ENPP6: variants seen among roughly 807,000 people sequenced by gnomAD.
The protein encoded by ENPP6 is ectonucleotide pyrophosphatase/phosphodiesterase 6.
In ENPP6, 32 loss-of-function variants were observed where a neutral mutation model predicts 42.0. That is an observed-to-expected ratio of 0.76 (90% CI 0.58 to 1.02). ENPP6 has a LOEUF of 1.02. ENPP6 is among the 50% of genes least tolerant of loss of function. The pLI, the probability that ENPP6 is intolerant of heterozygous loss-of-function variation, is 0.00. For missense variants in ENPP6, 552 were observed against 566.8 expected, an observed-to-expected ratio of 0.97 and a Z score of 0.27; for synonymous variants, 213 against 216.0, an observed-to-expected ratio of 0.99 and a Z score of 0.12.
intron 1 of ENPP6, among the ~76,000 whole-genome samples, chr4:184,175,025 G>A (rs890849470): frequency 6.6e-6 from 1 of 152,176 alleles, no homozygotes; most frequent in Non-Finnish European, 1.5e-5. Context: ...CTAACAAGGC[G>A]CTGGGCTCAG....
chr4:184,153,722 C>T lies in ENPP6; in HGVS notation c.253G>A (p.Glu85Lys). 1 of 1,613,904 alleles carries T rather than the reference C, an allele frequency of 6.2e-7. No individual in the cohort carries two copies. Among genetic ancestry groups the T allele is most frequent in the Non-Finnish European group, 8.5e-7 (1 of 1,179,908 alleles). Residue 85 changes from glutamate (E) to lysine (K), a missense_variant, in exon 2 of 8, where the codon GAA (glutamate) becomes AAA (lysine). Coordinates refer to ENST00000296741, the MANE Select transcript of ENPP6 (RefSeq NM_153343.4). ...YYTLMTGRHC[E>K]VHQMIGNYMW... ...TAGTTCCCGATCATCTGATGGACTT[C>T]ACAATGGCGGCCTATGTCAATGAGA... is the stretch of plus-strand genomic sequence containing the variant.
intron 6 of ENPP6, among the ~76,000 whole-genome samples, chr4:184,100,873 G>A (rs1403830158): frequency 6.6e-6 from 1 of 152,214 alleles, no homozygotes; most frequent in Non-Finnish European, 1.5e-5. Flanking sequence ...AACTCAGCTA[G>A]GCTTCTGGGG....
intron 7 of ENPP6, among the ~76,000 whole-genome samples, chr4:184,093,568 G>A (rs1335485216): frequency 6.6e-6 from 1 of 151,452 alleles, no homozygotes; most frequent in Non-Finnish European, 1.5e-5. Flanking sequence ...GAATCCAGGA[G>A]GCGGAGGTTG....
chr4:184,133,228 A>G (rs1051444609), intron 2 of ENPP6, among the ~76,000 whole-genome samples: 3 of 152,166 alleles, frequency 2.0e-5, no homozygotes, highest in Non-Finnish European at 2.9e-5. Context: ...GTGAATCTGT[A>G]GATCCATTCT....
chr4:184,117,609 T>C, intron 4 of ENPP6, 150 bp downstream of exon 4: 1 of 1,126,286 alleles, frequency 8.9e-7, no homozygotes, highest in South Asian at 1.5e-5. Flanking sequence ...GCAGGAGGCA[T>C]TGTGTGAAGC....
chr4:184,115,059 C>A (rs760097628), intron 5 of ENPP6, among the ~76,000 whole-genome samples: 1 of 152,108 alleles, frequency 6.6e-6, no homozygotes, highest in Non-Finnish European at 1.5e-5. Flanking sequence ...TTAAGGAAAT[C>A]CGGAGTTCTT....
intron 6 of ENPP6, among the ~76,000 whole-genome samples, chr4:184,104,734 C>T (rs1262017680): frequency 1.3e-5 from 2 of 152,218 alleles, no homozygotes; most frequent in South Asian, 2.1e-4. Context: ...AACAATCTGT[C>T]AATAAGTAGT....
chr4:184,131,208 CTTTCTTTCTTTT>C (rs1736617570), intron 2 of ENPP6, among the ~76,000 whole-genome samples: 2 of 84,380 alleles, frequency 2.4e-5, no homozygotes, highest in East Asian at 3.2e-4. Flanking sequence ...TTTCTTCTTT[CTTTCTTTCTTTT>C]TCTTTCTTTC....
At chr4:184,124,125 G>A (rs777985201) in intron 3 of ENPP6, 36 bp downstream of exon 3, 3 of 1,518,958 alleles carry the variant, frequency 2.0e-6, no homozygotes, top group African/African-American at 1.4e-5. Flanking sequence ...TGGAAACAAG[G>A]AAGAAAATGG....
chr4:184,146,158 C>G (rs1365332528), intron 2 of ENPP6, among the ~76,000 whole-genome samples: 3 of 151,752 alleles, frequency 2.0e-5, no homozygotes, highest in African/African-American at 7.3e-5. Flanking sequence ...AACGGCCAGG[C>G]GCAGTGGCTC....
At chr4:184,138,249 T>C (rs1394835527) in intron 2 of ENPP6, among the ~76,000 whole-genome samples, 3 of 152,210 alleles carry the variant, frequency 2.0e-5, no homozygotes, top group Non-Finnish European at 4.4e-5. Context: ...GTTGTTCACA[T>C]AAATAAATAT....
At chr4:184,155,489 G>C (rs9994623) in intron 1 of ENPP6, among the ~76,000 whole-genome samples, 77,701 of 152,000 alleles carry the variant, frequency 0.51, 20,324 homozygotes, top group East Asian at 0.81. Flanking sequence ...GTGCAAAGAA[G>C]CTGAGCAAAT....
chr4:184,134,131 GATTT>G (rs60164895), intron 2 of ENPP6, among the ~76,000 whole-genome samples: 17 of 147,294 alleles, frequency 1.2e-4, no homozygotes, highest in South Asian at 4.3e-4. Flanking sequence ...TTATGGAAGT[GATTT>G]ATTTATTTAT....
chr4:184,131,199 TTCTTCTTTC>T (rs1392796873), intron 2 of ENPP6, among the ~76,000 whole-genome samples: 4 of 41,128 alleles, frequency 9.7e-5, no homozygotes, highest in Non-Finnish European at 2.2e-4. Flanking sequence ...CTTTCTTTCT[TTCTTCTTTC>T]TTTCTTTCTT....
At chr4:184,146,108 A>G (rs552793463) in intron 2 of ENPP6, among the ~76,000 whole-genome samples, 4 of 150,738 alleles carry the variant, frequency 2.7e-5, no homozygotes, top group Admixed American at 1.3e-4. Context: ...TTTTCAGCCA[A>G]TTTTCAAGCG....
chr4:184,171,654 G>A (rs981451580), intron 1 of ENPP6, among the ~76,000 whole-genome samples: 8 of 152,214 alleles, frequency 5.3e-5, no homozygotes, highest in African/African-American at 7.2e-5. Flanking sequence ...GCCATTTAAA[G>A]AAGAAACTAT....
chr4:184,167,027 C>G (rs916288636), intron 1 of ENPP6, among the ~76,000 whole-genome samples: 3 of 152,216 alleles, frequency 2.0e-5, no homozygotes, highest in Non-Finnish European at 4.4e-5. Context: ...GCACTCATCC[C>G]GCAGCTGCCC....
At chr4:184,122,374 A>G (rs971476426) in intron 3 of ENPP6, among the ~76,000 whole-genome samples, 1 of 151,074 alleles carries the variant, frequency 6.6e-6, no homozygotes, top group African/African-American at 2.4e-5. Flanking sequence ...TCCTGGTGGA[A>G]CCCAATACCT....
At chr4:184,149,461 G>A (rs1197657342) in intron 2 of ENPP6, among the ~76,000 whole-genome samples, 1 of 152,216 alleles carries the variant, frequency 6.6e-6, no homozygotes, top group Non-Finnish European at 1.5e-5. Context: ...TCCCCACTCA[G>A]CCCACTGCTG....
Sources: allele counts gnomAD v4.1 joint callset (sites outside exome capture counted in the v4.1 genomes callset), GRCh38; gene constraint gnomAD v4.1.1; transcripts MANE v1.5; gene names NCBI Gene and HGNC (gene_info 2026-07-23, HGNC 2026-07-21).